ARID4B: variants seen among roughly 807,000 people sequenced by gnomAD.
ARID4B encodes AT-rich interaction domain 4B.
ARID4B carries 26 observed loss-of-function variants against 147.5 expected under a neutral mutation model. The ratio of observed to expected loss-of-function variants is 0.18; its 90% CI spans 0.13 to 0.24. The LOEUF (loss-of-function observed/expected upper bound fraction) is 0.24, where lower values mean the gene tolerates loss of function less well. Among genes scored for constraint, ARID4B ranks in the 10% least tolerant of loss-of-function variants. The pLI, the probability that ARID4B is intolerant of heterozygous loss-of-function variation, is 1.00. For synonymous variants in ARID4B, 512 were observed against 507.9 expected, an observed-to-expected ratio of 1.01 and a Z score of -0.11; for missense variants, 1,179 against 1,511.5, an observed-to-expected ratio of 0.78 and a Z score of 3.65.
In ARID4B at chr1:235,168,642, TGTA is replaced by T. The variant is rs758887690; in HGVS notation, c.3819_3821del (p.Thr1274del). On this transcript the variant is annotated inframe_deletion, in exon 24 of 24. Transcript: ENST00000264183. Reference sequence around the variant, plus strand: ...ATGAAGGTGAAGAGGAGGATGAGGATGTAGCAGCACCTAAGGAAAAGGGAGACC... The same window carrying T: ...ATGAAGGTGAAGAGGAGGATGAGGATGCAGCACCTAAGGAAAAGGGAGACC... 1.2e-5 allele frequency: 20 copies of T among 1,613,766 alleles called. No homozygotes were observed. Among genetic ancestry groups the T allele is most frequent in the Non-Finnish European group, 1.7e-5 (20 of 1,179,870 alleles).
chr1:235,206,218 G>T (rs1666299491), intron 17 of ARID4B, among the ~76,000 whole-genome samples: 1 of 151,998 alleles, frequency 6.6e-6, no homozygotes, highest in Non-Finnish European at 1.5e-5. Context: ...ATATGAAACA[G>T]AAATTTTTTT....
chr1:235,283,401 T>C (rs1028606399), intron 2 of ARID4B, among the ~76,000 whole-genome samples: 14 of 152,206 alleles, frequency 9.2e-5, no homozygotes, highest in Admixed American at 2.6e-4. Context: ...AAAAGATGAT[T>C]ACAAACTATG....
chr1:235,314,563 C>G (rs1193433112), intron 2 of ARID4B, among the ~76,000 whole-genome samples: 1 of 152,084 alleles, frequency 6.6e-6, no homozygotes, highest in Non-Finnish European at 1.5e-5. Flanking sequence ...TAAACAAAGA[C>G]AGTTTTCACA....
At chr1:235,188,160 T>TACTC (rs1376092579) in intron 19 of ARID4B, among the ~76,000 whole-genome samples, 5 of 152,118 alleles carry the variant, frequency 3.3e-5, no homozygotes, top group African/African-American at 1.2e-4. Context: ...TGTGTATATA[T>TACTC]ACTCATATGT....
chr1:235,285,732 G>A (rs902941332), intron 2 of ARID4B, among the ~76,000 whole-genome samples: 1 of 152,156 alleles, frequency 6.6e-6, no homozygotes, highest in African/African-American at 2.4e-5. Flanking sequence ...ACCAATAGGT[G>A]GTTTTAGCAA....
intron 17 of ARID4B, among the ~76,000 whole-genome samples, chr1:235,211,061 C>T (rs1666685364): frequency 1.3e-5 from 2 of 152,170 alleles, no homozygotes; most frequent in South Asian, 2.1e-4. Flanking sequence ...TGGCCGGGCA[C>T]GGTGGCTCAT....
chr1:235,194,062 A>G lies in ARID4B; in HGVS notation c.2076T>C (p.Thr692=). ...TAATTTCTATGGACTTAATATGAGCAGTATCAGAGTTTTTGGCATCAGTGA... is the reference window on the plus strand; with the variant it reads ...TAATTTCTATGGACTTAATATGAGCGGTATCAGAGTTTTTGGCATCAGTGA... ...LDLTDAKNSD[T]AHIKSIEITS... Residue 692 remains threonine, a synonymous_variant, in exon 19 of 24, where the codon ACT becomes ACC. Coordinates refer to ENST00000264183, the MANE Select transcript of ARID4B (RefSeq NM_016374.6). 6.2e-7 allele frequency: 1 copy of G among 1,612,588 alleles called. No homozygotes were observed. The highest frequency in any genetic ancestry group is 8.5e-7 in the Non-Finnish European group (1 of 1,178,634).
intron 8 of ARID4B, among the ~76,000 whole-genome samples, chr1:235,239,522 T>A (rs1055377692): frequency 1.3e-5 from 2 of 152,326 alleles, no homozygotes; most frequent in East Asian, 1.9e-4. Context: ...GTGAAAGATA[T>A]TAGTATATGT....
chr1:235,309,677 C>T (rs1028729461), intron 2 of ARID4B, among the ~76,000 whole-genome samples: 4 of 150,300 alleles, frequency 2.7e-5, no homozygotes, highest in Non-Finnish European at 5.9e-5. Flanking sequence ...GAGGTGTACC[C>T]AACAGCTCAT....
At chr1:235,289,378 A>C (rs1201762692) in intron 2 of ARID4B, among the ~76,000 whole-genome samples, 2 of 152,204 alleles carry the variant, frequency 1.3e-5, no homozygotes, top group Admixed American at 1.3e-4. Context: ...ACATCACTAA[A>C]GAGCTTGACT....
intron 2 of ARID4B, among the ~76,000 whole-genome samples, chr1:235,271,253 G>C (rs916991393): frequency 6.6e-6 from 1 of 152,054 alleles, no homozygotes; most frequent in Non-Finnish European, 1.5e-5. Flanking sequence ...TACTAAGGAG[G>C]CTGAGGTGGG....
At chr1:235,259,962 T>C (rs556223685) in intron 3 of ARID4B, among the ~76,000 whole-genome samples, 14 of 152,310 alleles carry the variant, frequency 9.2e-5, no homozygotes, top group African/African-American at 3.1e-4. Flanking sequence ...CACCTAAAAG[T>C]TCCCTGCAAA....
intron 8 of ARID4B, among the ~76,000 whole-genome samples, chr1:235,237,111 G>A (rs1668661018): frequency 6.6e-6 from 1 of 150,968 alleles, no homozygotes; most frequent in Admixed American, 6.6e-5. Flanking sequence ...GACCTCAGGT[G>A]ATCCGCCTGC....
At chr1:235,228,647 GTT>G (rs11306265) in intron 11 of ARID4B, 42 of 122,974 alleles carry the variant, frequency 3.4e-4, no homozygotes, top group East Asian at 4.6e-4. Context: ...TTTTGTTCTC[GTT>G]TTTTTTTTTT....
intron 2 of ARID4B, among the ~76,000 whole-genome samples, chr1:235,275,560 G>A (rs1671268271): frequency 6.6e-6 from 1 of 152,202 alleles, no homozygotes; most frequent in Admixed American, 6.5e-5. Flanking sequence ...CCAAACTGGA[G>A]TTCCCCTCTT....
intron 2 of ARID4B, among the ~76,000 whole-genome samples, chr1:235,289,652 A>G (rs1672200908): frequency 6.7e-6 from 1 of 149,284 alleles, no homozygotes; most frequent in Non-Finnish European, 1.5e-5. Flanking sequence ...TGAGCCTGGG[A>G]GGTTCAAGGC....
chr1:235,237,823 T>C (rs893069985), intron 8 of ARID4B, among the ~76,000 whole-genome samples: 3 of 152,194 alleles, frequency 2.0e-5, no homozygotes, highest in African/African-American at 4.8e-5. Flanking sequence ...AATAAAGAGT[T>C]AGCAGATTCT....
rs370808073 is a variant in ARID4B at position 235,298,752 on chromosome 1, A to ATATCTC, written c.6+28156_6+28161dup. On this transcript the variant is annotated intron_variant, in intron 2 of 23. Transcript: ENST00000264183. ...CTTCATTTTACTTAATTAGAACTCC[A>ATATCTC]TATCTCTTTCATCAACACCTAATCA... 4.3e-3 allele frequency among the ~76,000 whole-genome samples: 662 copies of ATATCTC among 152,242 alleles called. 5 individuals are homozygous for ATATCTC. The highest frequency in any genetic ancestry group is 0.015 in the African/African-American group (633 of 41,538).
intron 19 of ARID4B, among the ~76,000 whole-genome samples, chr1:235,184,289 T>C (rs1027706319): frequency 6.6e-5 from 10 of 152,156 alleles, no homozygotes; most frequent in African/African-American, 2.2e-4. Context: ...ACATGCTGGT[T>C]ACTTTTGATA....
Sources: allele counts gnomAD v4.1 joint callset (sites outside exome capture counted in the v4.1 genomes callset), GRCh38; gene constraint gnomAD v4.1.1; transcripts MANE v1.5; gene names NCBI Gene and HGNC (gene_info 2026-07-23, HGNC 2026-07-21).